The following PHACTR1 variants were observed in gnomAD, a reference collection of about 807,000 sequenced individuals.
PHACTR1 encodes the protein phosphatase and actin regulator 1, also known as RPEL repeat containing 1.
PHACTR1 carries 16 observed loss-of-function variants against 69.2 expected under a neutral mutation model. The observed-to-expected ratio is 0.23, with a 90% confidence interval of 0.16 to 0.35. PHACTR1 has a LOEUF of 0.35. Among genes scored for constraint, PHACTR1 ranks in the 10% least tolerant of loss-of-function variants. PHACTR1 has a pLI of 1.00. For synonymous variants in PHACTR1, 312 were observed against 284.5 expected (o/e 1.10, Z -0.97); for missense variants, 510 against 734.7 (o/e 0.69, Z 3.54).
chr6:13,216,993 T>C (rs1473083638), intron 8 of PHACTR1, among the ~76,000 whole-genome samples: 4 of 152,196 alleles, frequency 2.6e-5, no homozygotes, highest in Non-Finnish European at 5.9e-5. Context: ...TCAATAGAAA[T>C]ACTGCCCTTT....
chr6:13,160,335 C>T lies in PHACTR1; in HGVS notation c.496+51C>T, dbSNP rs570378202. On this transcript the variant is annotated intron_variant, in intron 6 of 14. Transcript: ENST00000332995. ...CGGGTCAAAGAGTCATGCGTGGAAT[C>T]TGCATGCATATTGCTTGGAGTTCCA... 217 of 1,449,742 alleles carry T rather than the reference C, an allele frequency of 1.5e-4. 2 individuals carry two copies. In the Admixed American group the frequency reaches 3.6e-3, roughly 24 times the overall value. 89.8% of individuals were successfully genotyped at this position (1,449,742 alleles called of 1,614,324 possible).
chr6:12,890,079 C>T (rs958005983), intron 4 of PHACTR1, among the ~76,000 whole-genome samples: 2 of 152,084 alleles, frequency 1.3e-5, no homozygotes, highest in African/African-American at 4.8e-5. Context: ...TGAGCATTCC[C>T]GCCTGAGCTC....
intron 5 of PHACTR1, among the ~76,000 whole-genome samples, chr6:13,133,257 C>G (rs1194644799): frequency 1.0e-4 from 11 of 109,552 alleles, no homozygotes; most frequent in Non-Finnish European, 5.8e-5. Flanking sequence ...CCCTCTCCCT[C>G]TCCCCACAGT....
intron 4 of PHACTR1, among the ~76,000 whole-genome samples, chr6:13,002,759 C>T (rs1798244908): frequency 6.6e-6 from 1 of 152,132 alleles, no homozygotes; most frequent in South Asian, 2.1e-4. Flanking sequence ...GAAAAATTAG[C>T]TAATCTGAAT....
intron 4 of PHACTR1, among the ~76,000 whole-genome samples, chr6:12,857,526 C>A (rs932890255): frequency 6.6e-6 from 1 of 151,660 alleles, no homozygotes; most frequent in African/African-American, 2.4e-5. Context: ...TTGCTTGAAC[C>A]CTGGAGGCTG....
intron 11 of PHACTR1, 133 bp downstream of exon 11, chr6:13,273,048 A>C (rs1439591311): frequency 7.6e-7 from 1 of 1,309,864 alleles, no homozygotes; most frequent in African/African-American, 1.5e-5. Flanking sequence ...TTGAAGCTTC[A>C]TGTGTGCATG....
intron 5 of PHACTR1, among the ~76,000 whole-genome samples, chr6:13,065,881 A>G (rs1217557374): frequency 6.6e-6 from 1 of 152,140 alleles, no homozygotes. Flanking sequence ...AACCAAGTTG[A>G]ATAGCCTTCA....
At chr6:12,886,415 A>G (rs1455072367) in intron 4 of PHACTR1, among the ~76,000 whole-genome samples, 2 of 152,222 alleles carry the variant, frequency 1.3e-5, no homozygotes, top group African/African-American at 4.8e-5. Context: ...TTATTATTAT[A>G]CACATTCTCA....
At chr6:12,988,357 C>G (rs4715045) in intron 4 of PHACTR1, among the ~76,000 whole-genome samples, 36,800 of 152,104 alleles carry the variant, frequency 0.24, 5,242 homozygotes, top group African/African-American at 0.39. Context: ...ACACTGATCA[C>G]CAATTACCAT....
chr6:13,181,347 C>T (rs747266302), intron 6 of PHACTR1, among the ~76,000 whole-genome samples: 1 of 152,176 alleles, frequency 6.6e-6, no homozygotes, highest in Non-Finnish European at 1.5e-5. Flanking sequence ...TACGAGTTGT[C>T]ATCTTGCTTC....
chr6:12,992,227 A>C (rs2127607982), intron 4 of PHACTR1, among the ~76,000 whole-genome samples: 1 of 152,318 alleles, frequency 6.6e-6, no homozygotes. Context: ...ATAAATTGAA[A>C]ATGAAGTCCC....
intron 5 of PHACTR1, among the ~76,000 whole-genome samples, chr6:13,108,589 T>A (rs1816530562): frequency 6.6e-6 from 1 of 152,122 alleles, no homozygotes; most frequent in Non-Finnish European, 1.5e-5. Flanking sequence ...TTGACTCACA[T>A]TATTATGTAA....
intron 3 of PHACTR1, among the ~76,000 whole-genome samples, chr6:12,740,926 A>C (rs1364263886): frequency 6.6e-6 from 1 of 151,776 alleles, no homozygotes; most frequent in Non-Finnish European, 1.5e-5. Context: ...AGCTTAATTA[A>C]TCATTGATTT....
intron 4 of PHACTR1, among the ~76,000 whole-genome samples, chr6:12,785,683 C>A (rs1321499995): frequency 6.6e-6 from 1 of 152,184 alleles, no homozygotes; most frequent in African/African-American, 2.4e-5. Flanking sequence ...ATCCTTAAAG[C>A]AGGCCCGATC....
At chr6:12,910,451 A>C (rs1419939946) in intron 4 of PHACTR1, among the ~76,000 whole-genome samples, 1 of 152,226 alleles carries the variant, frequency 6.6e-6, no homozygotes, top group African/African-American at 2.4e-5. Flanking sequence ...CTTGTTTTGA[A>C]AAATAGGAAA....
intron 4 of PHACTR1, among the ~76,000 whole-genome samples, chr6:12,852,427 G>C (rs920659163): frequency 6.6e-6 from 1 of 152,146 alleles, no homozygotes; most frequent in African/African-American, 2.4e-5. Context: ...GGCAGAACGG[G>C]ATGGTACAGC....
At chr6:13,187,589 A>T (rs547832659) in intron 7 of PHACTR1, among the ~76,000 whole-genome samples, 81 of 152,362 alleles carry the variant, frequency 5.3e-4, no homozygotes, top group African/African-American at 1.9e-3. Flanking sequence ...CAGAGGAGTG[A>T]TATGATGAAA....
At chr6:13,186,046 G>A (rs1056443263) in intron 7 of PHACTR1, among the ~76,000 whole-genome samples, 1 of 152,206 alleles carries the variant, frequency 6.6e-6, no homozygotes, top group Non-Finnish European at 1.5e-5. Flanking sequence ...GTCCATCTTA[G>A]ACATGGGCTC....
chr6:12,798,401 G>A (rs1013760395), intron 4 of PHACTR1, among the ~76,000 whole-genome samples: 1 of 152,138 alleles, frequency 6.6e-6, no homozygotes, highest in African/African-American at 2.4e-5. Flanking sequence ...GAGAAACCTA[G>A]GGAAAGAGGT....
Sources: gnomAD v4.1 joint callset for allele counts (sites outside exome capture counted in the v4.1 genomes callset) on GRCh38, gnomAD v4.1.1 for gene constraint, MANE v1.5 for transcripts, NCBI Gene and HGNC (gene_info 2026-07-23, HGNC 2026-07-21) for gene names.